Variants in FAT1 observed in about 807,000 individuals in gnomAD.
FAT1 encodes the protein protocadherin Fat 1.
FAT1 carries 171 observed loss-of-function variants against 329.8 expected under a neutral mutation model. That is an observed-to-expected ratio of 0.52 (90% confidence interval 0.46 to 0.59). FAT1 has a LOEUF of 0.59. Ranked by LOEUF, FAT1 falls within the 20% of genes least tolerant of loss-of-function variation. FAT1 has a pLI of 0.00. For synonymous variants in FAT1, 2,233 were observed against 2,228.6 expected (o/e 1.00, Z -0.06); for missense variants, 5,672 against 5,774.4 (o/e 0.98, Z 0.57).
Position 186,604,682 on chromosome 4 carries a change from C to T in FAT1, c.10351-108G>A, listed in dbSNP as rs981016153. 13 of 672,864 alleles carry T rather than the reference C, an allele frequency of 1.9e-5. No homozygotes were observed. The African/African-American group carries it at 2.2e-4, about 11-fold the overall frequency. 41.7% of individuals were successfully genotyped at this position (672,864 alleles called of 1,614,324 possible). Reference sequence around the variant, plus strand: ...AATATAAAATACATACAAAACAAAGCCTTTCTGCTCTATCTGAAAGGAAGA... The same window carrying T: ...AATATAAAATACATACAAAACAAAGTCTTTCTGCTCTATCTGAAAGGAAGA... On this transcript the variant is annotated intron_variant, in intron 17 of 26. Transcript: ENST00000441802.
chr4:186,645,564 A>G (rs1579380126), intron 3 of FAT1, among the ~76,000 whole-genome samples: 1 of 151,436 alleles, frequency 6.6e-6, no homozygotes, highest in South Asian at 2.1e-4. Context: ...AAAGTATTGA[A>G]GTTGGGGGTT....
chr4:186,673,880 T>G (rs1742838500), intron 2 of FAT1, among the ~76,000 whole-genome samples: 1 of 152,016 alleles, frequency 6.6e-6, no homozygotes, highest in African/African-American at 2.4e-5. Context: ...ACTGATATTG[T>G]CAATGACGGC....
rs967995899 is a variant in FAT1 at position 186,691,641 on chromosome 4, C to CA, written c.3265+14921dup. 2.6e-5 allele frequency among the ~76,000 whole-genome samples: 4 copies of CA among 151,818 alleles called. No individual in the cohort carries two copies. The East Asian group carries it at 5.8e-4, about 22-fold the overall frequency. On this transcript the variant is annotated intron_variant, in intron 2 of 26. Transcript: ENST00000441802. ...GCAACATAGCAAGACCCCACCTCTG[C>CA]AAAAAAAGTAAAAAAAATTAGCCGG...
chr4:186,692,238 G>A (rs747151380), intron 2 of FAT1, among the ~76,000 whole-genome samples: 3 of 152,160 alleles, frequency 2.0e-5, no homozygotes, highest in Non-Finnish European at 2.9e-5. Flanking sequence ...CATACGTCCC[G>A]TAACAAACAA....
chr4:186,593,771 C>T (rs748081991), intron 26 of FAT1, among the ~76,000 whole-genome samples: 1 of 152,112 alleles, frequency 6.6e-6, no homozygotes, highest in Non-Finnish European at 1.5e-5. Flanking sequence ...CCCTACTGAT[C>T]GCATGACTTA....
Position 186,621,355 on chromosome 4 carries a change from C to T in FAT1, c.5231G>A (p.Gly1744Asp), listed in dbSNP as rs755897778. 8.1e-6 allele frequency: 13 copies of T among 1,613,872 alleles called. No individual in the cohort carries two copies. The African/African-American group carries it at 1.5e-4, about 18-fold the overall frequency. The stretch of plus-strand genomic sequence containing the variant: ...TAGAACCGTTGTATTAGTGGACAAA[C>T]CAGCCATGTTAGTTCCTTGTATTAT... ...TLIIQGTNMA[G>D]LSTNTTVLVH... The change falls in exon 10 of 27, where the codon GGT (glycine) becomes GAT (aspartate). Residue 1744 changes from glycine (G) to aspartate (D), a missense_variant. Transcript: ENST00000441802.
rs1474051143 is a variant in FAT1 at position 186,681,524 on chromosome 4, T to C, written c.3266-17911A>G. Among the ~76,000 whole-genome samples, 10 of 152,296 alleles carry C rather than the reference T, an allele frequency of 6.6e-5. No individual in the cohort carries two copies. In the Middle Eastern group the frequency reaches 0.01, roughly 155 times the overall value. On this transcript the variant is annotated intron_variant, in intron 2 of 26. Coordinates refer to ENST00000441802, the MANE Select transcript of FAT1 (RefSeq NM_005245.4). ...TCGGAAGAGAACTTAGAATCACTTA[T>C]TGTAGAGCCCAGGTGACATTCCTTA...
At chr4:186,719,145 G>A (rs1319124663) in intron 1 of FAT1, among the ~76,000 whole-genome samples, 2 of 152,082 alleles carry the variant, frequency 1.3e-5, no homozygotes, top group Admixed American at 1.3e-4. Flanking sequence ...TCCTCCACAT[G>A]CATTTATTAC....
At chr4:186,662,235 C>T (rs1742209743) in intron 3 of FAT1, among the ~76,000 whole-genome samples, 2 of 152,198 alleles carry the variant, frequency 1.3e-5, no homozygotes, top group Non-Finnish European at 2.9e-5. Flanking sequence ...TTCATCCTCA[C>T]AATTCTTATA....
chr4:186,651,426 A>G (rs999476504), intron 3 of FAT1, among the ~76,000 whole-genome samples: 7 of 152,208 alleles, frequency 4.6e-5, no homozygotes, highest in Non-Finnish European at 1.0e-4. Context: ...AAACTACATC[A>G]AGGGCAGCAT....
At position 186,603,744 on chromosome 4, in the gene FAT1, G is replaced by A. The variant is rs2126432614; in HGVS notation, c.10782C>T (p.Ser3594=). 6.2e-7 allele frequency: 1 copy of A among 1,613,888 alleles called. No homozygotes were observed. Among genetic ancestry groups the A allele is most frequent in the Non-Finnish European group, 8.5e-7 (1 of 1,179,858 alleles). Residue 3594 remains serine (S), a synonymous_variant, in exon 19 of 27, where the codon AGC becomes AGT. Transcript: ENST00000441802. ...PQMDNLFSVS[S]TGGKLIAHKK... ...TGTGTGCTATCAGCTTGCCCCCTGT[G>A]CTGGAAACAGAGAACAGGTTGTCCA... is the stretch of plus-strand genomic sequence containing the variant.
chr4:186,620,271 A>G lies in FAT1; in HGVS notation c.6315T>C (p.Ala2105=), dbSNP rs1490703439. 1 of 1,613,922 alleles carries G rather than the reference A, an allele frequency of 6.2e-7. No homozygotes were observed. The highest frequency in any genetic ancestry group is 1.7e-5 in the Admixed American group (1 of 60,000). ...EVGHVIRYVT[A]VDRDSGRNGE... Reference sequence around the variant, plus strand: ...CGTTTCTGCCACTGTCTCTGTCTACAGCAGTGACATAGCGAATGACATGGC... The same window carrying G: ...CGTTTCTGCCACTGTCTCTGTCTACGGCAGTGACATAGCGAATGACATGGC... The change falls in exon 10 of 27, where the codon GCT becomes GCC. Residue 2105 remains alanine (A), a synonymous_variant. Transcript: ENST00000441802.
At chr4:186,663,215 T>C in intron 3 of FAT1, 84 bp downstream of exon 3, 1 of 1,031,050 alleles carries the variant, frequency 9.7e-7, no homozygotes, top group East Asian at 2.6e-5. Context: ...CAAAAGTATG[T>C]AACAGATAAA....
intron 3 of FAT1, among the ~76,000 whole-genome samples, chr4:186,643,254 C>T (rs1389143448): frequency 6.6e-6 from 1 of 152,112 alleles, no homozygotes; most frequent in African/African-American, 2.4e-5. Flanking sequence ...CTGGACGGCA[C>T]CGGTCTACTC....
intron 2 of FAT1, among the ~76,000 whole-genome samples, chr4:186,702,968 A>G (rs892256480): frequency 2.0e-5 from 3 of 152,192 alleles, no homozygotes. Flanking sequence ...TACAGATAGC[A>G]ATCTGAGGAG....
chr4:186,645,852 A>G (rs1741347182), intron 3 of FAT1, among the ~76,000 whole-genome samples: 1 of 150,896 alleles, frequency 6.6e-6, no homozygotes, highest in African/African-American at 2.4e-5. Context: ...AGGCTAAGGC[A>G]TGAGACTCAC....
Position 186,707,348 on chromosome 4 carries a change from T to C in FAT1, c.2480A>G (p.Tyr827Cys), listed in dbSNP as rs200144279. The change falls in exon 2 of 27, where the codon TAT becomes TGT. Residue 827 changes from tyrosine (Y) to cysteine (C), a missense_variant. Tyr to Cys is a radical substitution (Grantham distance 194, BLOSUM62 -2). Transcript: ENST00000441802. The stretch of plus-strand genomic sequence containing the variant: ...CTTGTCTTCACTCACTTCCACAAAA[T>C]AGCTCTCCTGTAAAAACTCGGGTGG... ...DNPPEFLQES[Y>C]FVEVSEDKEV... 3.7e-6 allele frequency: 6 copies of C among 1,613,844 alleles called. No individual in the cohort carries two copies. The highest frequency in any genetic ancestry group is 1.6e-4 in the Middle Eastern group (1 of 6,084).
rs1198264653 is a variant in FAT1, at chr4:186,707,914, C to T, written c.1914G>A (p.Val638=). Residue 638 remains valine, a synonymous_variant, in exon 2 of 27, where the codon GTG becomes GTA. Transcript: ENST00000441802. ...RSLMDGLGAK[V]SFHSLRITAT... is the part of the protein sequence containing the mutation. ...CTGTGATTCTCAGACTGTGGAAAGA[C>T]ACCTTTGCACCTAAGCCATCCATTA... 1.2e-6 allele frequency: 2 copies of T among 1,613,988 alleles called. No homozygotes were observed. Among genetic ancestry groups the T allele is most frequent in the African/African-American group, 1.3e-5 (1 of 75,036 alleles).
rs2126428125 is a variant in FAT1, at chr4:186,603,431, C to T, written c.11095G>A (p.Glu3699Lys). The change falls in exon 19 of 27, where the codon GAG becomes AAG. Residue 3699 changes from glutamate to lysine, a missense_variant. Around this residue, in one of 2 missense-constraint regions of FAT1, gnomAD observed 1,706 missense variants for 1,859.1 expected, o/e 0.92. Coordinates refer to ENST00000441802, the MANE Select transcript of FAT1 (RefSeq NM_005245.4). ...HPHLDVLLFV[E>K]KPGSAQISTK... is the part of the protein sequence containing the mutation. Reference sequence around the variant, plus strand: ...GAGATCTGAGCACTACCTGGTTTCTCTACAAAAAGTAAGACGTCCAGATGT... The same window carrying T: ...GAGATCTGAGCACTACCTGGTTTCTTTACAAAAAGTAAGACGTCCAGATGT... 2 of 1,613,964 alleles carry T rather than the reference C, an allele frequency of 1.2e-6. No homozygotes were observed. Among genetic ancestry groups the T allele is most frequent in the Non-Finnish European group, 1.7e-6 (2 of 1,179,896 alleles).
Sources: gnomAD v4.1 joint callset for allele counts (sites outside exome capture counted in the v4.1 genomes callset) on GRCh38, gnomAD v4.1.1 for gene constraint, gnomAD v4.1.1 regional missense constraint, MANE v1.5 for transcripts, NCBI Gene and HGNC (gene_info 2026-07-23, HGNC 2026-07-21) for gene names.